ABLIM3: variants seen among roughly 807,000 people sequenced by gnomAD.
ABLIM3 encodes actin binding LIM protein family member 3.
Under a neutral mutation model 109.5 loss-of-function variants are expected in ABLIM3, and 61 were observed. The observed-to-expected ratio is 0.56, with a 90% CI of 0.45 to 0.69. The LOEUF is 0.69. Among genes scored for constraint, ABLIM3 ranks in the 30% least tolerant of loss-of-function variants. The probability of loss-of-function intolerance (pLI) is 0.00; values close to 1 mark genes in which losing one functional copy is unlikely to be tolerated. For missense variants in ABLIM3, 796 were observed against 889.5 expected, an observed-to-expected ratio of 0.89 and a Z score of 1.34; for synonymous variants, 300 against 324.8, an observed-to-expected ratio of 0.92 and a Z score of 0.82.
chr5:149,142,872 G>C (rs890052006), intron 2 of ABLIM3, among the ~76,000 whole-genome samples: 1 of 152,136 alleles, frequency 6.6e-6, no homozygotes, highest in Non-Finnish European at 1.5e-5. Flanking sequence ...TGTGACCTGG[G>C]AGGGCATATC....
At chr5:149,213,982 C>CCA (rs34304547) in intron 7 of ABLIM3, among the ~76,000 whole-genome samples, 98,969 of 151,666 alleles carry the variant, frequency 0.65, 32,540 homozygotes, top group Non-Finnish European at 0.71. Flanking sequence ...GCTGCTGTAT[C>CCA]TACCGATACC....
At chr5:149,193,372 A>G (rs1196463419) in intron 3 of ABLIM3, among the ~76,000 whole-genome samples, 2 of 152,044 alleles carry the variant, frequency 1.3e-5, no homozygotes, top group Non-Finnish European at 1.5e-5. Flanking sequence ...TGAACAAGAA[A>G]AAAAGTTTAA....
rs143163356 is a variant in ABLIM3 at position 149,241,498 on chromosome 5, C to T, written c.1303+724C>T. Among the ~76,000 whole-genome samples the T allele has an allele frequency of 1.5e-4, 23 of 152,306 alleles. No homozygotes were observed. In the East Asian group the frequency reaches 3.1e-3, roughly 21 times the overall value. On this transcript the variant is annotated intron_variant, in intron 14 of 23. Coordinates refer to ENST00000309868, the MANE Select transcript of ABLIM3 (RefSeq NM_014945.5). ...AGAAGGGGCCTGGCGTGGTCGCTCA[C>T]GCCTGTAATCCCAGCACTTTGGGAG...
At chr5:149,166,296 G>A (rs1754819048) in intron 2 of ABLIM3, among the ~76,000 whole-genome samples, 2 of 152,092 alleles carry the variant, frequency 1.3e-5, no homozygotes, top group South Asian at 2.1e-4. Context: ...AGTGCTCCCT[G>A]ACTTAATACA....
At chr5:149,195,354 GT>G in intron 3 of ABLIM3, among the ~76,000 whole-genome samples, 1 of 152,334 alleles carries the variant, frequency 6.6e-6, no homozygotes, top group Non-Finnish European at 1.5e-5. Flanking sequence ...GCTCAAAGCA[GT>G]TTTAACGTTC....
At chr5:149,230,741 C>G (rs762998028) in intron 9 of ABLIM3, 34 bp downstream of exon 9, 3 of 1,611,788 alleles carry the variant, frequency 1.9e-6, no homozygotes, top group Non-Finnish European at 2.5e-6. Flanking sequence ...ACCAGCACTC[C>G]TGCTTTGCTA....
chr5:149,206,502 C>T (rs1758988099), intron 5 of ABLIM3, among the ~76,000 whole-genome samples: 1 of 152,186 alleles, frequency 6.6e-6, no homozygotes, highest in South Asian at 2.1e-4. Flanking sequence ...ATAAACACAG[C>T]CCTTGCCAAT....
chr5:149,197,866 G>A (rs1033834410), intron 3 of ABLIM3, among the ~76,000 whole-genome samples: 6 of 152,198 alleles, frequency 3.9e-5, no homozygotes, highest in African/African-American at 1.4e-4. Flanking sequence ...CAGCCTATCC[G>A]GGTGAGGGAA....
At chr5:149,249,729 A>G in intron 18 of ABLIM3, 86 bp from the exon 19 acceptor site, 1 of 1,538,356 alleles carries the variant, frequency 6.5e-7, no homozygotes, top group East Asian at 2.3e-5. Context: ...CGGGTATGGA[A>G]GCCACATCTC....
At chr5:149,229,175 G>A (rs1315859495) in intron 8 of ABLIM3, among the ~76,000 whole-genome samples, 1 of 152,154 alleles carries the variant, frequency 6.6e-6, no homozygotes, top group Non-Finnish European at 1.5e-5. Context: ...CACACAGCTT[G>A]GTAGTGGACA....
At chr5:149,221,069 CAGGGA>C (rs1368719436) in intron 8 of ABLIM3, 3 of 152,180 alleles carry the variant, frequency 2.0e-5, no homozygotes, top group Non-Finnish European at 4.4e-5. Flanking sequence ...TCTGGGAAGC[CAGGGA>C]AGGTGCCCCT....
intron 2 of ABLIM3, among the ~76,000 whole-genome samples, chr5:149,148,510 A>G (rs537573682): frequency 3.3e-5 from 5 of 152,184 alleles, no homozygotes; most frequent in East Asian, 1.9e-4. Context: ...TGAACTCTCA[A>G]CCTATTCCAA....
intron 8 of ABLIM3, chr5:149,218,127 G>C (rs912400633): frequency 6.6e-6 from 1 of 152,374 alleles, no homozygotes; most frequent in East Asian, 1.9e-4. Flanking sequence ...CATCTGGGCT[G>C]TTATAACCTC....
chr5:149,169,829 G>A (rs1755203800), intron 2 of ABLIM3, among the ~76,000 whole-genome samples: 1 of 152,202 alleles, frequency 6.6e-6, no homozygotes, highest in Non-Finnish European at 1.5e-5. Flanking sequence ...TTAGATACAG[G>A]AGGTGTATCA....
At chr5:149,148,163 C>T (rs1753099856) in intron 2 of ABLIM3, among the ~76,000 whole-genome samples, 2 of 152,150 alleles carry the variant, frequency 1.3e-5, no homozygotes, top group Non-Finnish European at 2.9e-5. Context: ...CAAGAGCATG[C>T]TTAGTCAGTG....
rs150685616 is a variant in ABLIM3, at chr5:149,234,652, C to T, written c.888+1352C>T. On this transcript the variant is annotated intron_variant, in intron 10 of 23. Transcript: ENST00000309868. ...TGTGGCTGTCAAAAAAGACAAGCTG[C>T]TTTGATCACAGGCTGTACTCATGGA... Among the ~76,000 whole-genome samples, 758 of 152,302 alleles carry T rather than the reference C, an allele frequency of 5.0e-3. 7 individuals are homozygous for T. The highest frequency in any genetic ancestry group is 0.017 in the African/African-American group (714 of 41,566).
intron 14 of ABLIM3, among the ~76,000 whole-genome samples, chr5:149,242,082 G>C (rs929134891): frequency 2.0e-5 from 3 of 152,162 alleles, no homozygotes; most frequent in African/African-American, 7.2e-5. Context: ...CTTTGAGGGA[G>C]GGGGAGGGAG....
At chr5:149,222,432 CTA>C (rs1452870405) in intron 8 of ABLIM3, among the ~76,000 whole-genome samples, 1 of 152,026 alleles carries the variant, frequency 6.6e-6, no homozygotes, top group African/African-American at 2.4e-5. Flanking sequence ...CTTTTGAACT[CTA>C]TGAGTCTTCT....
Position 149,176,149 on chromosome 5 carries a change from T to C in ABLIM3, c.14-7303T>C, listed in dbSNP as rs114185681. 2.9e-3 allele frequency among the ~76,000 whole-genome samples: 436 copies of C among 152,162 alleles called. 2 individuals are homozygous for C. The highest frequency in any genetic ancestry group is 9.7e-3 in the African/African-American group (404 of 41,526). On this transcript the variant is annotated intron_variant, in intron 2 of 23. Transcript: ENST00000309868. ...GCTGCCAACACCTGCAGCACTTGCA[T>C]CTCTCTGGGACCCAGCACACACACC...
Sources: gnomAD v4.1 joint callset for allele counts (sites outside exome capture counted in the v4.1 genomes callset) on GRCh38, gnomAD v4.1.1 for gene constraint, MANE v1.5 for transcripts, NCBI Gene and HGNC (gene_info 2026-07-23, HGNC 2026-07-21) for gene names.